NLGN1: variants seen among roughly 807,000 people sequenced by gnomAD.
NLGN1 encodes the protein neuroligin 1, also known as neuroligin-1.
In NLGN1, 12 loss-of-function variants were observed where a neutral mutation model predicts 65.5. The ratio of observed to expected loss-of-function variants is 0.18; its 90% confidence interval spans 0.12 to 0.30. NLGN1 has a LOEUF of 0.30. Among genes scored for constraint, NLGN1 ranks in the 10% least tolerant of loss-of-function variants. The pLI, the probability that NLGN1 is intolerant of heterozygous loss-of-function variation, is 1.00. For synonymous variants in NLGN1, 350 were observed against 359.5 expected, an observed-to-expected ratio of 0.97 and a Z score of 0.30; for missense variants, 750 against 1,007.1, an observed-to-expected ratio of 0.74 and a Z score of 3.46.
chr3:173,849,206 T>A (rs1726412358), intron 4 of NLGN1, among the ~76,000 whole-genome samples: 1 of 152,164 alleles, frequency 6.6e-6, no homozygotes, highest in Non-Finnish European at 1.5e-5. Context: ...TTAATGACGG[T>A]ATTTTTTTTC....
intron 4 of NLGN1, among the ~76,000 whole-genome samples, chr3:174,093,970 G>A (rs1232547049): frequency 6.6e-6 from 1 of 151,900 alleles, no homozygotes; most frequent in East Asian, 1.9e-4. Context: ...TTTAAGTGAG[G>A]AAATTTTGTT....
intron 4 of NLGN1, among the ~76,000 whole-genome samples, chr3:174,015,258 C>T (rs1318806364): frequency 1.1e-4 from 16 of 152,114 alleles, no homozygotes; most frequent in Admixed American, 1.0e-3. Context: ...GCTGCCATAA[C>T]AAAATACCAC....
chr3:173,511,238 T>G (rs1463678207), intron 2 of NLGN1, among the ~76,000 whole-genome samples: 1 of 152,084 alleles, frequency 6.6e-6, no homozygotes, highest in Non-Finnish European at 1.5e-5. Context: ...GTAATAAACT[T>G]TATTTTATAT....
intron 4 of NLGN1, among the ~76,000 whole-genome samples, chr3:173,809,652 T>C (rs1245896864): frequency 1.3e-5 from 2 of 152,186 alleles, no homozygotes; most frequent in Non-Finnish European, 2.9e-5. Context: ...TTTCATAACA[T>C]AAACTTTGTT....
At chr3:173,738,522 T>C (rs1473314809) in intron 3 of NLGN1, among the ~76,000 whole-genome samples, 1 of 152,158 alleles carries the variant, frequency 6.6e-6, no homozygotes, top group Admixed American at 6.6e-5. Context: ...ATGCATTTTC[T>C]TGGAACCCTT....
chr3:173,937,242 GTGA>G (rs1745229010), intron 4 of NLGN1, among the ~76,000 whole-genome samples: 1 of 152,048 alleles, frequency 6.6e-6, no homozygotes, highest in South Asian at 2.1e-4. Context: ...AATGAACTCT[GTGA>G]TGATATTAGC....
At chr3:173,614,861 T>C (rs889547013) in intron 3 of NLGN1, among the ~76,000 whole-genome samples, 5 of 152,166 alleles carry the variant, frequency 3.3e-5, no homozygotes, top group Non-Finnish European at 7.4e-5. Flanking sequence ...CAAAGGGAGC[T>C]TCTGTTGCCT....
At chr3:173,503,154 G>A (rs1165860413) in intron 2 of NLGN1, among the ~76,000 whole-genome samples, 1 of 151,860 alleles carries the variant, frequency 6.6e-6, no homozygotes, top group Non-Finnish European at 1.5e-5. Context: ...GATATTGAAT[G>A]ACTAACCTGA....
intron 4 of NLGN1, among the ~76,000 whole-genome samples, chr3:174,208,771 T>G (rs957166702): frequency 6.6e-6 from 1 of 152,098 alleles, no homozygotes; most frequent in Admixed American, 6.6e-5. Context: ...AAGGATATCA[T>G]CAGCAGACCT....
At chr3:174,095,618 CTG>C (rs145874049) in intron 4 of NLGN1, among the ~76,000 whole-genome samples, 4,025 of 151,600 alleles carry the variant, frequency 0.027, 195 homozygotes, top group African/African-American at 0.092. Flanking sequence ...CATGTATAAA[CTG>C]TGTGTGTATA....
intron 4 of NLGN1, among the ~76,000 whole-genome samples, chr3:174,198,958 C>T (rs1049919947): frequency 6.7e-6 from 1 of 149,922 alleles, no homozygotes; most frequent in African/African-American, 2.4e-5. Context: ...AGCAATTCTC[C>T]TGCCTCAGCC....
At chr3:173,999,767 G>A (rs1427493152) in intron 4 of NLGN1, among the ~76,000 whole-genome samples, 2 of 152,064 alleles carry the variant, frequency 1.3e-5, no homozygotes, top group Non-Finnish European at 2.9e-5. Context: ...CACAAAAGTA[G>A]CTTCAATTGA....
At chr3:173,406,495 CAA>C in intron 1 of NLGN1, among the ~76,000 whole-genome samples, 1 of 146,690 alleles carries the variant, frequency 6.8e-6, no homozygotes, top group Admixed American at 6.8e-5. Flanking sequence ...ATCTATGAAT[CAA>C]ATATATATAT....
Position 174,234,985 on chromosome 3 carries a change from C to CTTTTTTTTTTTTTTTTTTTTT in NLGN1, c.647-40320_647-40300dup, listed in dbSNP as rs748911027. Among the ~76,000 whole-genome samples the CTTTTTTTTTTTTTTTTTTTTT allele has an allele frequency of 1.1e-4, 7 of 65,748 alleles. 2 individuals carry two copies. The highest frequency in any genetic ancestry group is 4.0e-4 in the African/African-American group (5 of 12,494). 43.1% of individuals were successfully genotyped at this position (65,748 alleles called of 152,430 possible). A position where few individuals can be genotyped will look rare whatever the true frequency, so the allele number is the denominator to read the frequency against. On this transcript the variant is annotated intron_variant, in intron 4 of 6. Coordinates refer to ENST00000457714, the Ensembl canonical transcript of NLGN1. The stretch of plus-strand genomic sequence containing the variant: ...GAGCTTTGTAAAATAAAGGAATCAC[C>CTTTTTTTTTTTTTTTTTTTTT]TTTTTTTTTTTTTTTTTTTTTTTTT...
At chr3:173,481,236 A>C (rs1727226794) in intron 2 of NLGN1, among the ~76,000 whole-genome samples, 1 of 152,024 alleles carries the variant, frequency 6.6e-6, no homozygotes, top group Non-Finnish European at 1.5e-5. Flanking sequence ...AGGATTTGGT[A>C]ATGTTTTATA....
chr3:174,097,056 A>T (rs1256400838), intron 4 of NLGN1, among the ~76,000 whole-genome samples: 3 of 151,824 alleles, frequency 2.0e-5, no homozygotes, highest in Non-Finnish European at 4.4e-5. Context: ...GCTTCCATTT[A>T]TTCACCTTGG....
chr3:174,249,296 C>G (rs770143122), intron 4 of NLGN1, among the ~76,000 whole-genome samples: 10 of 152,170 alleles, frequency 6.6e-5, no homozygotes, highest in Non-Finnish European at 1.2e-4. Flanking sequence ...ATTTCCCATG[C>G]CTCTCTACAC....
intron 4 of NLGN1, among the ~76,000 whole-genome samples, chr3:174,064,186 G>A (rs1019008619): frequency 6.6e-6 from 1 of 151,640 alleles, no homozygotes; most frequent in African/African-American, 2.4e-5. Context: ...ATAAAAAAAA[G>A]AAAAAAACAA....
chr3:173,400,489 T>G (rs2148600735), intron 1 of NLGN1, among the ~76,000 whole-genome samples: 1 of 152,240 alleles, frequency 6.6e-6, no homozygotes, highest in Non-Finnish European at 1.5e-5. Flanking sequence ...TACATACCAT[T>G]TTAGGATTTT....
Sources: allele counts gnomAD v4.1 joint callset (sites outside exome capture counted in the v4.1 genomes callset), GRCh38; gene constraint gnomAD v4.1.1; transcripts MANE v1.5; gene names NCBI Gene and HGNC (gene_info 2026-07-23, HGNC 2026-07-21).